CRB1: variants seen among roughly 807,000 people sequenced by gnomAD.
The protein encoded by CRB1 is crumbs cell polarity complex component 1, also known as protein crumbs homolog 1.
In CRB1, 83 loss-of-function variants were observed where a neutral mutation model predicts 120.0. The observed-to-expected ratio is 0.69, with a 90% CI of 0.58 to 0.83. CRB1 has a LOEUF of 0.83. Among genes scored for constraint, CRB1 ranks in the 40% least tolerant of loss-of-function variants. The pLI, the probability that CRB1 is intolerant of heterozygous loss-of-function variation, is 0.00. For synonymous variants in CRB1, 625 were observed against 612.5 expected (o/e 1.02, Z -0.30); for missense variants, 1,699 against 1,687.6 (o/e 1.01, Z -0.12).
chr1:197,326,838 G>T (rs375618419), intron 1 of CRB1, among the ~76,000 whole-genome samples: 1 of 151,288 alleles, frequency 6.6e-6, no homozygotes, highest in Admixed American at 6.6e-5. Context: ...TCTATGTAAG[G>T]GTACTCGTGT....
At chr1:197,214,962 C>A in the CRB1 span, among the ~76,000 whole-genome samples, 1 of 151,902 alleles carries the variant, frequency 6.6e-6, no homozygotes, top group Non-Finnish European at 1.5e-5. Flanking sequence ...AAATTGAATT[C>A]AAAAACATAT....
At chr1:197,399,940 G>A (rs1019455515) in intron 5 of CRB1, among the ~76,000 whole-genome samples, 4 of 152,168 alleles carry the variant, frequency 2.6e-5, no homozygotes, top group Admixed American at 6.5e-5. Context: ...AATCACTGAA[G>A]TGATATCTCA....
the CRB1 span, chr1:197,223,146 T>G: frequency 1.1e-6 from 1 of 925,368 alleles, no homozygotes; most frequent in East Asian, 2.4e-5. Context: ...TGGATAATGA[T>G]TGCCTTGGCC....
intron 10 of CRB1, 29 bp downstream of exon 10, chr1:197,438,704 G>C: frequency 1.2e-6 from 2 of 1,609,672 alleles, no homozygotes; most frequent in South Asian, 2.2e-5. Context: ...TTCTGGAAGA[G>C]AATTCTGAGC....
At chr1:197,277,509 T>C (rs986600712) in intron 1 of CRB1, among the ~76,000 whole-genome samples, 4 of 152,010 alleles carry the variant, frequency 2.6e-5, no homozygotes, top group Non-Finnish European at 5.9e-5. Flanking sequence ...TTGTAGTTTT[T>C]AATACAAGGA....
chr1:197,250,551 C>T, the CRB1 span, among the ~76,000 whole-genome samples: 1 of 151,900 alleles, frequency 6.6e-6, no homozygotes, highest in East Asian at 1.9e-4. Context: ...TATTACATTA[C>T]ATTGGAGGGT....
chr1:197,221,280 A>G, the CRB1 span, among the ~76,000 whole-genome samples: 2 of 152,210 alleles, frequency 1.3e-5, no homozygotes, highest in African/African-American at 4.8e-5. Context: ...CCACTGATTC[A>G]TAAGAAACGG....
At chr1:197,204,171 A>G in the CRB1 span, among the ~76,000 whole-genome samples, 4 of 152,292 alleles carry the variant, frequency 2.6e-5, no homozygotes, top group African/African-American at 4.8e-5. Flanking sequence ...GTATACTACA[A>G]TTTCTTTATC....
chr1:197,456,893 G>A lies in CRB1; in HGVS notation c.4005+14601G>A, dbSNP rs901548780. ...GTTATACTCAATTTGCTTAAAAATC[G>A]TAGTGGTTTGAGAGGAGGAGTGGAT... On this transcript the variant is annotated intron_variant, in intron 11 of 11. Coordinates refer to ENST00000367400, the MANE Select transcript of CRB1 (RefSeq NM_201253.3). Among the ~76,000 whole-genome samples, 5 of 152,216 alleles carry A rather than the reference G, an allele frequency of 3.3e-5. No homozygotes were observed. In the East Asian group the frequency reaches 7.7e-4, roughly 24 times the overall value.
At chr1:197,360,378 A>G (rs747839957) in intron 5 of CRB1, 2 of 152,272 alleles carry the variant, frequency 1.3e-5, no homozygotes, top group Non-Finnish European at 2.9e-5. Context: ...AAATGGTTGC[A>G]TGCTGCCAAC....
chr1:197,418,105 G>GA (rs899811293), intron 5 of CRB1, among the ~76,000 whole-genome samples: 7 of 151,966 alleles, frequency 4.6e-5, no homozygotes, highest in African/African-American at 1.4e-4. Context: ...TAGGGTAGGA[G>GA]AAAAAATCGT....
Position 197,421,912 on chromosome 1 carries a change from A to C in CRB1, c.2084A>C (p.Gln695Pro). ...GRCINLWLSY[Q>P]CDCHRPYEGP... ...TGCATCAACTTGTGGCTGAGTTACC[A>C]GTGTGACTGCCACAGGCCCTATGAA... Residue 695 changes from glutamine to proline, a missense_variant, in exon 6 of 12, where the codon CAG (glutamine) becomes CCG (proline). Gln to Pro is a moderately conservative substitution (Grantham distance 76). Transcript: ENST00000367400. 1 of 1,614,220 alleles carries C rather than the reference A, an allele frequency of 6.2e-7. No homozygotes were observed. The highest frequency in any genetic ancestry group is 8.5e-7 in the Non-Finnish European group (1 of 1,180,036).
At chr1:197,315,802 T>C (rs1258430917) in intron 1 of CRB1, among the ~76,000 whole-genome samples, 1 of 152,272 alleles carries the variant, frequency 6.6e-6, no homozygotes, top group African/African-American at 2.4e-5. Flanking sequence ...ATTTTTGTTT[T>C]GGGTGAATTC....
chr1:197,414,646 T>C (rs557857164), intron 5 of CRB1, among the ~76,000 whole-genome samples: 2 of 152,284 alleles, frequency 1.3e-5, no homozygotes, highest in East Asian at 3.9e-4. Context: ...TATAAATAAT[T>C]GCACATAAAT....
chr1:197,340,403 A>T, intron 2 of CRB1, among the ~76,000 whole-genome samples: 1 of 152,182 alleles, frequency 6.6e-6, no homozygotes, highest in East Asian at 1.9e-4. Flanking sequence ...CAAGGCAATT[A>T]TGCTTTATTT....
chr1:197,317,806 A>C (rs1164093860), intron 1 of CRB1, among the ~76,000 whole-genome samples: 1 of 152,228 alleles, frequency 6.6e-6, no homozygotes, highest in Non-Finnish European at 1.5e-5. Flanking sequence ...CAGAACAATG[A>C]AACTAGACTC....
At chr1:197,379,620 A>AC (rs1661839564) in intron 5 of CRB1, among the ~76,000 whole-genome samples, 1 of 151,984 alleles carries the variant, frequency 6.6e-6, no homozygotes, top group Non-Finnish European at 1.5e-5. Flanking sequence ...AAAAAAAAAA[A>AC]AAAAAAAAAC....
the CRB1 span, among the ~76,000 whole-genome samples, chr1:197,221,080 C>T: frequency 6.6e-6 from 1 of 152,100 alleles, no homozygotes; most frequent in Non-Finnish European, 1.5e-5. Context: ...GACTACGATA[C>T]TTGTGTTTTG....
At chr1:197,471,013 A>G (rs910455308) in intron 11 of CRB1, among the ~76,000 whole-genome samples, 1 of 151,952 alleles carries the variant, frequency 6.6e-6, no homozygotes, top group Non-Finnish European at 1.5e-5. Flanking sequence ...CTTATGTTAC[A>G]TCAGTTTTTT....
Sources: gnomAD v4.1 joint callset for allele counts (sites outside exome capture counted in the v4.1 genomes callset) on GRCh38, gnomAD v4.1.1 for gene constraint, MANE v1.5 for transcripts, NCBI Gene and HGNC (gene_info 2026-07-23, HGNC 2026-07-21) for gene names.